The following STAT4 variants were observed in gnomAD, a reference collection of about 807,000 sequenced individuals.
The protein encoded by STAT4 is signal transducer and activator of transcription 4.
STAT4 carries 42 observed loss-of-function variants against 110.5 expected under a neutral mutation model. The ratio of observed to expected loss-of-function variants is 0.38; its 90% CI spans 0.30 to 0.49. STAT4 has a LOEUF of 0.49. STAT4 is among the 20% of genes least tolerant of loss of function. The pLI is 0.95. For synonymous variants in STAT4, 284 were observed against 302.2 expected (o/e 0.94, Z 0.63); for missense variants, 632 against 887.9 (o/e 0.71, Z 3.66).
rs759578615 is a variant in STAT4 at position 191,031,084 on chromosome 2, A to G, written c.2112-4T>C. On this transcript the variant is annotated splice_polypyrimidine_tract_variant and splice_region_variant and intron_variant, in intron 22 of 23. Transcript: ENST00000392320. The surrounding 1 kb of genome is among the most constrained non-coding windows in gnomAD (Gnocchi z 4.8). ...TGGCTCTGTTGAATCACTTCGGCTT[A>G]AAGAGATAACAAGGTCAATATGGAC... is the stretch of plus-strand genomic sequence containing the variant. 7 of 1,613,796 alleles carry G rather than the reference A, an allele frequency of 4.3e-6. No homozygotes were observed. The highest frequency in any genetic ancestry group is 5.9e-6 in the Non-Finnish European group (7 of 1,179,668).
intron 2 of STAT4, 73 bp downstream of exon 2, chr2:191,148,003 T>C (rs1699501756): frequency 6.3e-7 from 1 of 1,592,510 alleles, no homozygotes; most frequent in Non-Finnish European, 8.5e-7. Flanking sequence ...AAGTGGACCA[T>C]AAAATAAATT....
chr2:191,114,423 A>G (rs1698518476), intron 3 of STAT4, among the ~76,000 whole-genome samples: 1 of 152,248 alleles, frequency 6.6e-6, no homozygotes, highest in South Asian at 2.1e-4. Flanking sequence ...TGTGCAGTAT[A>G]GAATAGTGGT....
Position 191,037,880 on chromosome 2 carries a change from G to A in STAT4, c.1434+1319C>T, listed in dbSNP as rs953747290. ...CCTAAGGGCTTAGGTTTCAAAGCAG[G>A]ATAGAATTAAGAGGAGAAACCAGGA... On this transcript the variant is annotated intron_variant, in intron 16 of 23. Transcript: ENST00000392320. This position sits in a 1 kb window ranked among gnomAD's most constrained non-coding sequence, Gnocchi z 4.8. Among the ~76,000 whole-genome samples, 2 of 152,184 alleles carry A rather than the reference G, an allele frequency of 1.3e-5. No individual in the cohort carries two copies. Among genetic ancestry groups the A allele is most frequent in the Non-Finnish European group, 2.9e-5 (2 of 68,036 alleles).
chr2:191,102,838 G>A (rs1053870356), intron 3 of STAT4, among the ~76,000 whole-genome samples: 1 of 152,054 alleles, frequency 6.6e-6, no homozygotes, highest in African/African-American at 2.4e-5. Context: ...TCGCTTTTGT[G>A]TCCATCAATT....
rs3024866 is a variant in STAT4, at chr2:191,058,115, G to A, written c.1113-4C>T. The A allele has an allele frequency of 0.7, 1,126,803 of 1,613,274 alleles. 406,290 individuals are homozygous for A. The highest frequency in any genetic ancestry group is 0.75 in the Non-Finnish European group (883,774 of 1,179,552). On this transcript the variant is annotated splice_region_variant and splice_polypyrimidine_tract_variant and intron_variant, in intron 12 of 23. Transcript: ENST00000392320. This position sits in a 1 kb window ranked among gnomAD's most constrained non-coding sequence, Gnocchi z 4.3. ...ACAAAGTACAAATCTTCGGTTGCTGGAGAGGAAATCTTAGCTATTTACATG... is the reference window on the plus strand; with the variant it reads ...ACAAAGTACAAATCTTCGGTTGCTGAAGAGGAAATCTTAGCTATTTACATG...
chr2:191,148,650 C>T (rs372948312), intron 1 of STAT4, among the ~76,000 whole-genome samples: 1 of 149,566 alleles, frequency 6.7e-6, no homozygotes. Context: ...CCCCAAGAAG[C>T]TTCTTTTATA....
intron 6 of STAT4, chr2:191,068,046 CT>C (rs1697043804): frequency 6.6e-6 from 1 of 152,174 alleles, no homozygotes; most frequent in South Asian, 2.1e-4. Context: ...CAACTGAAAA[CT>C]TCTTTAGCTA....
chr2:191,094,623 C>A (rs1407516735), intron 3 of STAT4, among the ~76,000 whole-genome samples: 3 of 152,046 alleles, frequency 2.0e-5, no homozygotes, highest in South Asian at 4.2e-4. Flanking sequence ...CCGGTACCAG[C>A]CAATGCAAAA....
chr2:191,073,238 G>GA, intron 4 of STAT4, 48 bp from the exon 5 acceptor site: 1 of 1,508,202 alleles, frequency 6.6e-7, no homozygotes, highest in East Asian at 2.3e-5. Flanking sequence ...AAAGGTTTAT[G>GA]ATGAATGCAA....
At chr2:191,036,468 G>A (rs1411320469) in intron 16 of STAT4, among the ~76,000 whole-genome samples, 169 bp from the exon 17 acceptor site, 3 of 152,098 alleles carry the variant, frequency 2.0e-5, no homozygotes, top group Non-Finnish European at 4.4e-5. Flanking sequence ...GTCATAATTG[G>A]TCACAGCTGG....
In STAT4 at chr2:191,148,070, T is replaced by G. The variant is rs776155728; in HGVS notation, c.128+6A>C. On this transcript the variant is annotated splice_donor_region_variant and intron_variant, in intron 2 of 23. Coordinates refer to ENST00000392320, the MANE Select transcript of STAT4 (RefSeq NM_003151.4). ...CAACTTCTAGGGAAAATATGTTTGA[T>G]CCTACCAGTCTTGATTTTCAATCCA... 6.2e-7 allele frequency: 1 copy of G among 1,613,566 alleles called. No homozygotes were observed. Among genetic ancestry groups the G allele is most frequent in the South Asian group, 1.1e-5 (1 of 91,034 alleles).
intron 3 of STAT4, among the ~76,000 whole-genome samples, chr2:191,094,804 TAA>T (rs1449149160): frequency 1.4e-5 from 2 of 146,450 alleles, no homozygotes; most frequent in African/African-American, 2.5e-5. Context: ...GCAAATTGGA[TAA>T]AGAGTCAAGA....
rs1696859349 is a variant in STAT4, at chr2:191,061,907, CT to C, written c.942-87del. On this transcript the variant is annotated intron_variant, in intron 9 of 23. Transcript: ENST00000392320. This position sits in a 1 kb window ranked among gnomAD's most constrained non-coding sequence, Gnocchi z 6.2. ...CCACAGAGGAACAGGATGCTATCCA[CT>C]CAAAGTCCAAATTTTCTACACTTAG... is the stretch of plus-strand genomic sequence containing the variant. 1 of 1,240,990 alleles carries C rather than the reference CT, an allele frequency of 8.1e-7. No homozygotes were observed. Among genetic ancestry groups the C allele is most frequent in the Non-Finnish European group, 1.2e-6 (1 of 864,438 alleles). 76.9% of individuals were successfully genotyped at this position (1,240,990 alleles called of 1,614,324 possible).
At position 191,110,722 on chromosome 2, in the gene STAT4, T is replaced by C. The variant is rs368387006; in HGVS notation, c.274-34397A>G. 4.5e-4 allele frequency among the ~76,000 whole-genome samples: 68 copies of C among 152,194 alleles called. No individual in the cohort carries two copies. The highest frequency in any genetic ancestry group is 1.6e-3 in the African/African-American group (67 of 41,460). On this transcript the variant is annotated intron_variant, in intron 3 of 23. Transcript: ENST00000392320. This position sits in a 1 kb window ranked among gnomAD's most constrained non-coding sequence, Gnocchi z 4.5. ...CAGTTGATACAACTGAAGTACCGTA[T>C]CACTGAGTTTCTAAAATTTATAGCA...
intron 13 of STAT4, 28 bp from the exon 14 acceptor site, chr2:191,054,562 G>T (rs923299183): frequency 5.0e-6 from 8 of 1,605,428 alleles, no homozygotes; most frequent in Non-Finnish European, 6.8e-6. Context: ...ACAATATTTA[G>T]ATGGAAAAGC....
rs140970138 is a variant in STAT4, at chr2:191,062,773, G to A, written c.930C>T (p.Asn310=). The A allele has an allele frequency of 1.3e-5, 21 of 1,613,706 alleles. No homozygotes were observed. The highest frequency in any genetic ancestry group is 1.8e-5 in the Non-Finnish European group (21 of 1,179,822). ...AGCACTTCACTTACTTCTTGAAAAG[G>A]TTGTAGATCAAGAAGGTGACTCTTT... The part of the protein sequence containing the change: ...MLERVTFLIY[N]LFKNSFVVER... The change falls in exon 9 of 24, where the codon AAC becomes AAT. Residue 310 remains asparagine (N), a synonymous_variant. Coordinates refer to ENST00000392320, the MANE Select transcript of STAT4 (RefSeq NM_003151.4). The surrounding 1 kb of genome is among the most constrained non-coding windows in gnomAD (Gnocchi z 4.9).
At position 191,043,619 on chromosome 2, in the gene STAT4, TA is replaced by T. The variant is rs935401987; in HGVS notation, c.1252-2472del. Reference sequence around the variant, plus strand: ...TAGGTCAAAGATTTTTTGCACTCATTAAAAAAAAAAGACATGTAGAAGAATG... The same window carrying T: ...TAGGTCAAAGATTTTTTGCACTCATTAAAAAAAAAGACATGTAGAAGAATG... On this transcript the variant is annotated intron_variant, in intron 14 of 23. Coordinates refer to ENST00000392320, the MANE Select transcript of STAT4 (RefSeq NM_003151.4). The surrounding 1 kb of genome is among the most constrained non-coding windows in gnomAD (Gnocchi z 4.8). Among the ~76,000 whole-genome samples the T allele has an allele frequency of 4.6e-4, 68 of 147,128 alleles. 1 individual carries two copies. Among genetic ancestry groups the T allele is most frequent in the Admixed American group, 1.1e-3 (16 of 14,808 alleles).
rs909177745 is a variant in STAT4 at position 191,143,871 on chromosome 2, AAC to A, written c.273+2740_273+2741del. Among the ~76,000 whole-genome samples the A allele has an allele frequency of 6.6e-5, 10 of 152,252 alleles. No individual in the cohort carries two copies. The highest frequency in any genetic ancestry group is 2.4e-4 in the African/African-American group (10 of 41,530). ...CATCATACCACCCTTCCCCGCAAAA[AAC>A]ACACACAACTTAATGGGATTATAGT... On this transcript the variant is annotated intron_variant, in intron 3 of 23. Coordinates refer to ENST00000392320, the MANE Select transcript of STAT4 (RefSeq NM_003151.4). The surrounding 1 kb of genome is among the most constrained non-coding windows in gnomAD (Gnocchi z 5.6).
In STAT4 at chr2:191,143,446, C is replaced by CCCAA. The variant is rs1314985333; in HGVS notation, c.273+3166_273+3167insTTGG. On this transcript the variant is annotated intron_variant, in intron 3 of 23. Coordinates refer to ENST00000392320, the MANE Select transcript of STAT4 (RefSeq NM_003151.4). The surrounding 1 kb of genome is among the most constrained non-coding windows in gnomAD (Gnocchi z 5.6). ...TTGCTCCTGGGTGTGAGTCTGCCTC[C>CCCAA]CCTTAAATAGGCCAAGGGCTGCTGA... Among the ~76,000 whole-genome samples, 1 of 152,134 alleles carries CCCAA rather than the reference C, an allele frequency of 6.6e-6. No individual in the cohort carries two copies. Among genetic ancestry groups the CCCAA allele is most frequent in the Non-Finnish European group, 1.5e-5 (1 of 68,016 alleles).
Sources: allele counts gnomAD v4.1 joint callset (sites outside exome capture counted in the v4.1 genomes callset), GRCh38; gene constraint gnomAD v4.1.1; non-coding constraint Gnocchi (gnomAD v3.1); transcripts MANE v1.5; gene names NCBI Gene and HGNC (gene_info 2026-07-23, HGNC 2026-07-21).